The following KCNMA1 variants were observed in gnomAD, a reference collection of about 807,000 sequenced individuals.
KCNMA1 encodes the protein potassium calcium-activated channel subfamily M alpha 1.
Under a neutral mutation model 140.0 loss-of-function variants are expected in KCNMA1, and 29 were observed. The ratio of observed to expected loss-of-function variants is 0.21; its 90% CI spans 0.15 to 0.28. KCNMA1 has a LOEUF of 0.28. KCNMA1 is among the 10% of genes least tolerant of loss of function. KCNMA1 has a pLI of 1.00. For synonymous variants in KCNMA1, 612 were observed against 611.9 expected, an observed-to-expected ratio of 1.00 and a Z score of 0.00; for missense variants, 880 against 1,602.2, an observed-to-expected ratio of 0.55 and a Z score of 7.70.
At chr10:77,092,859 C>A (rs568892200) in intron 9 of KCNMA1, among the ~76,000 whole-genome samples, 1 of 152,322 alleles carries the variant, frequency 6.6e-6, no homozygotes, top group South Asian at 2.1e-4. Flanking sequence ...TGAAATCATT[C>A]ATCCCTAGGA....
At chr10:76,926,234 C>T (rs935133394) in intron 23 of KCNMA1, among the ~76,000 whole-genome samples, 1 of 152,226 alleles carries the variant, frequency 6.6e-6, no homozygotes, top group East Asian at 1.9e-4. Context: ...TAAGCCATAC[C>T]ATTTGTGGTC....
At chr10:77,616,902 C>G (rs2619625) in intron 1 of KCNMA1, among the ~76,000 whole-genome samples, 88,463 of 151,948 alleles carry the variant, frequency 0.58, 27,692 homozygotes, top group African/African-American at 0.81. Context: ...CTGAGGCATG[C>G]AGAGGTGAAG....
At position 76,886,520 on chromosome 10, in the gene KCNMA1, A is replaced by G; in HGVS notation, c.*746T>C. 1.0e-6 allele frequency: 1 copy of G among 985,054 alleles called. No individual in the cohort carries two copies. The highest frequency in any genetic ancestry group is 1.2e-6 in the Non-Finnish European group (1 of 829,586). 61.0% of individuals were successfully genotyped at this position (985,054 alleles called of 1,614,324 possible). On this transcript the variant is annotated 3_prime_UTR_variant, in exon 28 of 28. Coordinates refer to ENST00000286628, the MANE Select transcript of KCNMA1 (RefSeq NM_001161352.2). ...TCAAACCTCTTTTCACTTAAACTAA[A>G]TGACTAGAATTTGATACATCCATGA...
chr10:77,316,675 C>T (rs2080978051), intron 2 of KCNMA1, among the ~76,000 whole-genome samples: 2 of 152,146 alleles, frequency 1.3e-5, no homozygotes, highest in South Asian at 4.2e-4. Flanking sequence ...CTGAACCCAC[C>T]ACCTCAGCCA....
chr10:77,065,397 T>C (rs2095894655), intron 14 of KCNMA1, among the ~76,000 whole-genome samples: 1 of 152,216 alleles, frequency 6.6e-6, no homozygotes, highest in Non-Finnish European at 1.5e-5. Flanking sequence ...AACAGCTGTA[T>C]ACTTCCTAGA....
At chr10:77,080,409 G>C (rs1379183610) in intron 12 of KCNMA1, among the ~76,000 whole-genome samples, 1 of 152,060 alleles carries the variant, frequency 6.6e-6, no homozygotes, top group South Asian at 2.1e-4. Context: ...TTCTTTTCTG[G>C]GGGAAGCTAA....
chr10:77,391,929 A>G (rs1052126582), intron 2 of KCNMA1, among the ~76,000 whole-genome samples: 4 of 150,394 alleles, frequency 2.7e-5, no homozygotes, highest in African/African-American at 7.3e-5. Context: ...TGGAGGCTCT[A>G]AGGATATTTT....
At chr10:77,052,121 CTTCCTATTGCTTAGCTGCTGCTAGA>C in intron 14 of KCNMA1, among the ~76,000 whole-genome samples, 1 of 152,194 alleles carries the variant, frequency 6.6e-6, no homozygotes. Flanking sequence ...TGATTCATGG[CTTCCTATTGCTTAGCTGCTGCTAGA>C]AAAGGCTGGA....
rs569318062 is a variant in KCNMA1, at chr10:77,568,248, T to C, written c.378+69017A>G. ...AACTCATTTTATGAGGCCAGCATCA[T>C]CCTGATACCAAAGCCTGGCAGAGAC... On this transcript the variant is annotated intron_variant, in intron 1 of 27. Transcript: ENST00000286628. 2.6e-5 allele frequency among the ~76,000 whole-genome samples: 4 copies of C among 152,324 alleles called. No homozygotes were observed. The East Asian group carries it at 7.7e-4, about 29-fold the overall frequency.
Position 77,261,007 on chromosome 10 carries a change from C to G in KCNMA1, c.541-9751G>C, listed in dbSNP as rs1387583200. Among the ~76,000 whole-genome samples the G allele has an allele frequency of 2.6e-5, 4 of 152,238 alleles. No homozygotes were observed. In the South Asian group the frequency reaches 6.2e-4, roughly 24 times the overall value. On this transcript the variant is annotated intron_variant, in intron 2 of 27. Transcript: ENST00000286628. ...GCACACAAACACGCTGCAAGGGGCA[C>G]AGAGACAAACTGTGATTCCTCTAAT...
intron 1 of KCNMA1, among the ~76,000 whole-genome samples, chr10:77,499,728 A>T (rs1286841764): frequency 6.6e-6 from 1 of 152,198 alleles, no homozygotes; most frequent in Non-Finnish European, 1.5e-5. Flanking sequence ...AATCAAAACA[A>T]GGAATTCAAC....
At chr10:77,568,003 C>T (rs547448411) in intron 1 of KCNMA1, among the ~76,000 whole-genome samples, 23 of 152,218 alleles carry the variant, frequency 1.5e-4, no homozygotes, top group South Asian at 6.2e-4. Context: ...ATAAATTCCT[C>T]GACACATACA....
chr10:77,255,709 C>T (rs1441287310), intron 2 of KCNMA1, among the ~76,000 whole-genome samples: 2 of 151,924 alleles, frequency 1.3e-5, no homozygotes, highest in African/African-American at 2.4e-5. Context: ...GTCAGGAGTT[C>T]GAGACCAGCC....
chr10:76,953,792 C>T lies in KCNMA1; in HGVS notation c.2484+9G>A. 6.2e-7 allele frequency: 1 copy of T among 1,613,986 alleles called. No individual in the cohort carries two copies. The highest frequency in any genetic ancestry group is 2.2e-5 in the East Asian group (1 of 44,878). On this transcript the variant is annotated intron_variant, in intron 21 of 27. Transcript: ENST00000286628. ...GCGGGCAACATCAGATGCACAGTCC[C>T]TCACTCACCAGGATGACTTTCTCTA...
intron 1 of KCNMA1, among the ~76,000 whole-genome samples, chr10:77,448,518 A>G (rs970238706): frequency 1.3e-5 from 2 of 152,164 alleles, no homozygotes; most frequent in Non-Finnish European, 2.9e-5. Flanking sequence ...TACATATGAG[A>G]CAATCAAGAC....
chr10:77,396,977 A>G lies in KCNMA1; in HGVS notation c.540+6885T>C, dbSNP rs556373736. 3.9e-5 allele frequency among the ~76,000 whole-genome samples: 6 copies of G among 152,326 alleles called. No homozygotes were observed. In the South Asian group the frequency reaches 1.2e-3, roughly 32 times the overall value. Reference sequence around the variant, plus strand: ...AAACATTGAATCTGTCAGGGGGTTGAGGTAAAGTCTAGGCAGTGTAGATGT... The same window carrying G: ...AAACATTGAATCTGTCAGGGGGTTGGGGTAAAGTCTAGGCAGTGTAGATGT... On this transcript the variant is annotated intron_variant, in intron 2 of 27. Transcript: ENST00000286628.
chr10:76,905,709 C>T (rs1000941844), intron 25 of KCNMA1, among the ~76,000 whole-genome samples: 6 of 152,218 alleles, frequency 3.9e-5, no homozygotes, highest in African/African-American at 7.2e-5. Flanking sequence ...CAGGTCTCCA[C>T]ACCCATTCAA....
chr10:76,875,061 G>A (rs1431398394), downstream of KCNMA1: 1 of 152,300 alleles, frequency 6.6e-6, no homozygotes, highest in Non-Finnish European at 1.5e-5. Context: ...AGATGGATGG[G>A]ACTCAGGGCC....
intron 1 of KCNMA1, among the ~76,000 whole-genome samples, chr10:77,427,552 C>T (rs2097037909): frequency 6.9e-6 from 1 of 145,806 alleles, no homozygotes; most frequent in South Asian, 2.1e-4. Context: ...CTCACAAGGG[C>T]CTTCCCTCCC....
Sources: gnomAD v4.1 joint callset for allele counts (sites outside exome capture counted in the v4.1 genomes callset) on GRCh38, gnomAD v4.1.1 for gene constraint, MANE v1.5 for transcripts, NCBI Gene and HGNC (gene_info 2026-07-23, HGNC 2026-07-21) for gene names.